CCM2: variants seen among roughly 807,000 people sequenced by gnomAD.
CCM2 encodes cerebral cavernous malformations 2 protein.
Under a neutral mutation model 44.9 loss-of-function variants are expected in CCM2, and 25 were observed. The observed-to-expected ratio is 0.56, with a 90% CI of 0.41 to 0.78. The LOEUF (loss-of-function observed/expected upper bound fraction) is 0.78. Among genes scored for constraint, CCM2 ranks in the 30% least tolerant of loss-of-function variants. The pLI, the probability that CCM2 is intolerant of heterozygous loss-of-function variation, is 0.00. For synonymous variants in CCM2, 219 were observed against 241.1 expected, an observed-to-expected ratio of 0.91 and a Z score of 0.85; for missense variants, 481 against 580.6, an observed-to-expected ratio of 0.83 and a Z score of 1.76.
chr7:45,045,890 A>G (rs1797732646), intron 2 of CCM2, among the ~76,000 whole-genome samples: 1 of 152,236 alleles, frequency 6.6e-6, no homozygotes, highest in African/African-American at 2.4e-5. Context: ...ATTCACAATC[A>G]CTTAAAAAAT....
intron 1 of CCM2, among the ~76,000 whole-genome samples, chr7:45,002,910 A>G (rs1186176840): frequency 6.6e-6 from 1 of 152,164 alleles, no homozygotes; most frequent in Non-Finnish European, 1.5e-5. Context: ...TCCTCTGGCC[A>G]CTAAAGGTGT....
At chr7:45,029,129 G>A (rs921852722) in intron 1 of CCM2, among the ~76,000 whole-genome samples, 9 of 152,248 alleles carry the variant, frequency 5.9e-5, no homozygotes, top group Middle Eastern at 3.4e-3. Context: ...GTGCAGTTGC[G>A]GTTTGTCTGT....
At chr7:45,007,010 A>G (rs1795873033) in intron 1 of CCM2, among the ~76,000 whole-genome samples, 1 of 152,178 alleles carries the variant, frequency 6.6e-6, no homozygotes, top group Non-Finnish European at 1.5e-5. Flanking sequence ...ACTCATCAAG[A>G]CAGAAGAGTA....
rs561585640 is a variant in CCM2 at position 45,041,073 on chromosome 7, A to G, written c.204+2647A>G. 3.3e-5 allele frequency among the ~76,000 whole-genome samples: 5 copies of G among 152,336 alleles called. No individual in the cohort carries two copies. The South Asian group carries it at 6.2e-4, about 19-fold the overall frequency. On this transcript the variant is annotated intron_variant, in intron 2 of 9. Coordinates refer to ENST00000258781, the MANE Select transcript of CCM2 (RefSeq NM_031443.4). The stretch of plus-strand genomic sequence containing the variant: ...CAAGGGGTCTGCCAGGGAAAGGAAC[A>G]AAGATAATTCCCAGGATGACAGGAA...
At chr7:45,044,521 G>A (rs989275262) in intron 2 of CCM2, among the ~76,000 whole-genome samples, 11 of 152,132 alleles carry the variant, frequency 7.2e-5, no homozygotes, top group African/African-American at 2.7e-4. Context: ...TCAAAGGAGG[G>A]AAACCCCAAT....
intron 7 of CCM2, 158 bp from the exon 8 acceptor site, chr7:45,073,302 A>G (rs1401237049): frequency 4.6e-6 from 3 of 656,304 alleles, no homozygotes; most frequent in Non-Finnish European, 5.5e-6. Flanking sequence ...ACCACCCTGC[A>G]TGCCCAGTCA....
intron 1 of CCM2, among the ~76,000 whole-genome samples, chr7:45,035,497 G>A (rs1436827037): frequency 6.6e-6 from 1 of 152,034 alleles, no homozygotes; most frequent in Non-Finnish European, 1.5e-5. Flanking sequence ...CCTGGTCAAC[G>A]GGGAACTACT....
intron 8 of CCM2, 106 bp from the exon 9 acceptor site, chr7:45,074,164 A>C: frequency 6.3e-7 from 1 of 1,581,202 alleles, no homozygotes; most frequent in Admixed American, 1.8e-5. Flanking sequence ...GTGAAGCCAG[A>C]GACAGCTGGT....
chr7:45,016,842 A>T (rs1172652329), intron 1 of CCM2, among the ~76,000 whole-genome samples: 1 of 152,228 alleles, frequency 6.6e-6, no homozygotes, highest in Non-Finnish European at 1.5e-5. Context: ...CATGTTGACC[A>T]GGCTGATCTC....
At chr7:45,018,078 A>G (rs977200996) in intron 1 of CCM2, among the ~76,000 whole-genome samples, 1 of 152,072 alleles carries the variant, frequency 6.6e-6, no homozygotes, top group Non-Finnish European at 1.5e-5. Context: ...ATATCAGATC[A>G]TCAGGCATTA....
chr7:45,041,325 C>G (rs1797488015), intron 2 of CCM2, among the ~76,000 whole-genome samples: 1 of 152,206 alleles, frequency 6.6e-6, no homozygotes, highest in Non-Finnish European at 1.5e-5. Flanking sequence ...AGTAGACATT[C>G]TTTTCCCTGT....
At chr7:45,008,682 A>AT (rs1795947301) in intron 1 of CCM2, among the ~76,000 whole-genome samples, 1 of 152,112 alleles carries the variant, frequency 6.6e-6, no homozygotes, top group Non-Finnish European at 1.5e-5. Flanking sequence ...GTTCTTAATG[A>AT]GATGCCTTGG....
intron 1 of CCM2, among the ~76,000 whole-genome samples, chr7:45,015,999 T>C (rs1321465642): frequency 2.6e-5 from 4 of 152,274 alleles, no homozygotes; most frequent in Non-Finnish European, 5.9e-5. Context: ...TTTAGCACTT[T>C]TATTTCCTCT....
chr7:45,027,242 C>T (rs1406644738), intron 1 of CCM2: 9 of 286,058 alleles, frequency 3.1e-5, no homozygotes, highest in East Asian at 8.9e-5. Flanking sequence ...ACAGCCTTGT[C>T]GCGTGTTTCC....
chr7:45,066,453 C>G (rs1166342068), intron 4 of CCM2, among the ~76,000 whole-genome samples: 13 of 152,162 alleles, frequency 8.5e-5, no homozygotes, highest in Admixed American at 8.5e-4. Context: ...GGCCGCCATG[C>G]TGTATTTAGG....
chr7:45,039,336 C>T (rs1797370214), intron 2 of CCM2, among the ~76,000 whole-genome samples: 1 of 152,212 alleles, frequency 6.6e-6, no homozygotes, highest in African/African-American at 2.4e-5. Context: ...TCTAGAATGC[C>T]TGCAACCAGG....
chr7:45,003,426 A>G (rs1795724247), intron 1 of CCM2, among the ~76,000 whole-genome samples: 1 of 152,106 alleles, frequency 6.6e-6, no homozygotes, highest in Non-Finnish European at 1.5e-5. Flanking sequence ...GTGGATTTTT[A>G]TACTCAGATC....
At position 45,038,310 on chromosome 7, in the gene CCM2, A is replaced by C. The variant is rs1797321814; in HGVS notation, c.88A>C (p.Lys30Gln). The change falls in exon 2 of 10, where the codon AAG becomes CAG. Residue 30 changes from lysine (K) to glutamine (Q), a missense_variant. By Grantham distance (53) the Lys-to-Gln change is moderately conservative (BLOSUM62 1). Transcript: ENST00000258781. ...VFLKGEKSRD[K>Q]KAHEKVTERR... Reference sequence around the variant, plus strand: ...CCTAAAAGGTGAAAAGAGTAGAGATAAGAAAGCCCATGAGAAGGTGACAGA... The same window carrying C: ...CCTAAAAGGTGAAAAGAGTAGAGATCAGAAAGCCCATGAGAAGGTGACAGA... 1 of 1,614,046 alleles carries C rather than the reference A, an allele frequency of 6.2e-7. No homozygotes were observed. The highest frequency in any genetic ancestry group is 8.5e-7 in the Non-Finnish European group (1 of 1,180,024).
At chr7:45,043,775 C>T (rs564135731) in intron 2 of CCM2, 91 of 378,296 alleles carry the variant, frequency 2.4e-4, no homozygotes, top group South Asian at 1.3e-3. Flanking sequence ...CTCATTTTTC[C>T]TATTCTTTAC....
Sources: allele counts gnomAD v4.1 joint callset (sites outside exome capture counted in the v4.1 genomes callset), GRCh38; gene constraint gnomAD v4.1.1; transcripts MANE v1.5; gene names NCBI Gene and HGNC (gene_info 2026-07-23, HGNC 2026-07-21).